The following NDUFAF6 variants were observed in gnomAD, a reference collection of about 807,000 sequenced individuals.
NDUFAF6 encodes the protein NADH:ubiquinone oxidoreductase complex assembly factor 6.
NDUFAF6 carries 45 observed loss-of-function variants against 40.8 expected under a neutral mutation model. The ratio of observed to expected loss-of-function variants is 1.10; its 90% confidence interval spans 0.87 to 1.42. NDUFAF6 has a LOEUF of 1.42. Ranked by LOEUF, NDUFAF6 falls within the 40% of genes most tolerant of loss-of-function variation. The pLI, the probability that NDUFAF6 is intolerant of heterozygous loss-of-function variation, is 0.00. For synonymous variants in NDUFAF6, 185 were observed against 155.9 expected (o/e 1.19, Z -1.39); for missense variants, 435 against 418.5 (o/e 1.04, Z -0.34).
At chr8:95,106,190 GC>G (rs1371680874), downstream of NDUFAF6, among the ~76,000 whole-genome samples, 1 of 151,796 alleles carries the variant, frequency 6.6e-6, no homozygotes, top group African/African-American at 2.4e-5. Flanking sequence ...CAGGAGAATG[GC>G]GTGAACATGG....
intron 1 of NDUFAF6, chr8:94,925,879 T>C (rs1045568856): frequency 1.7e-5 from 2 of 119,616 alleles, no homozygotes; most frequent in Non-Finnish European, 3.6e-5. Context: ...ATAAAATGTG[T>C]ATTAAATACA....
intron 1 of NDUFAF6, among the ~76,000 whole-genome samples, chr8:94,978,584 G>C (rs1296331701): frequency 6.6e-6 from 1 of 152,094 alleles, no homozygotes; most frequent in African/African-American, 2.4e-5. Flanking sequence ...GCTTGGAGGT[G>C]CACGCCTATA....
exon 2 of NDUFAF6, chr8:94,980,960 T>C (rs1169513774): frequency 4.4e-6 from 2 of 456,558 alleles, no homozygotes; most frequent in East Asian, 1.4e-4. Flanking sequence ...ACATTCCTCA[T>C]GGTTGGTTCA....
chr8:95,104,058 A>G (rs1809739284), downstream of NDUFAF6, among the ~76,000 whole-genome samples: 1 of 152,088 alleles, frequency 6.6e-6, no homozygotes, highest in African/African-American at 2.4e-5. Context: ...TTTTAATGTG[A>G]TAGAGACAAG....
chr8:95,100,800 G>T (rs1809625711), intron 1 of NDUFAF6, among the ~76,000 whole-genome samples: 1 of 152,146 alleles, frequency 6.6e-6, no homozygotes, highest in Non-Finnish European at 1.5e-5. Context: ...CACATACTCT[G>T]TAAAGTAGGT....
chr8:95,079,806 C>G (rs1044076743), downstream of NDUFAF6, among the ~76,000 whole-genome samples: 3 of 151,762 alleles, frequency 2.0e-5, no homozygotes, highest in African/African-American at 7.3e-5. Context: ...CCTCCGTCTC[C>G]CAGGCTCACT....
intron 1 of NDUFAF6, among the ~76,000 whole-genome samples, chr8:94,959,810 G>A (rs894483548): frequency 2.0e-5 from 3 of 152,186 alleles, no homozygotes; most frequent in Non-Finnish European, 2.9e-5. Context: ...AAAGTGCTGG[G>A]ATTATAGGCA....
In NDUFAF6 at chr8:94,941,634, A is replaced by C. The variant is rs564566115; in HGVS notation, c.-935-3849A>C. ...ACAATTCCTACAGCTGGCATGAAGA[A>C]ATTTACACTGTAGGAAACTGAGCTT... On this transcript the variant is annotated intron_variant, in intron 1 of 14. Coordinates refer to the NDUFAF6 transcript ENST00000396113. 5.3e-5 allele frequency among the ~76,000 whole-genome samples: 8 copies of C among 152,364 alleles called. No individual in the cohort carries two copies. The East Asian group carries it at 1.3e-3, about 26-fold the overall frequency.
rs1563825400 is a variant in NDUFAF6 at position 95,045,545 on chromosome 8, G to A, written c.478G>A (p.Glu160Lys). The A allele has an allele frequency of 2.5e-6, 4 of 1,610,384 alleles. No individual in the cohort carries two copies. The African/African-American group carries it at 5.3e-5, about 22-fold the overall frequency. ...TTTATTTGCATTTTATTTGATGTAG[G>A]AAAAAAATCTGGATGACAAAGCATA... is the stretch of plus-strand genomic sequence containing the variant. The part of the protein sequence containing the change: ...RWLMKIVDER[E>K]KNLDDKAYRN... The change falls in exon 5 of 9, where the codon GAA becomes AAA. Residue 160 changes from glutamate to lysine, a missense_variant and splice_region_variant. By Grantham distance (56) the Glu-to-Lys change is moderately conservative. Coordinates refer to ENST00000396124, the MANE Select transcript of NDUFAF6 (RefSeq NM_152416.4).
chr8:95,091,896 G>A (rs1809264013), intron 2 of NDUFAF6, among the ~76,000 whole-genome samples: 1 of 148,720 alleles, frequency 6.7e-6, no homozygotes, highest in Non-Finnish European at 1.5e-5. Flanking sequence ...CACCATGACT[G>A]CACCAGGACT....
intron 2 of NDUFAF6, among the ~76,000 whole-genome samples, chr8:95,032,599 A>G (rs1014123368): frequency 1.3e-5 from 2 of 152,220 alleles, no homozygotes; most frequent in Non-Finnish European, 2.9e-5. Context: ...CTTCTTTAGA[A>G]TGGAAAGAAT....
downstream of NDUFAF6, among the ~76,000 whole-genome samples, chr8:95,062,458 A>G (rs187968343): frequency 5.9e-5 from 9 of 152,342 alleles, no homozygotes; most frequent in Non-Finnish European, 1.3e-4. Flanking sequence ...TTGTTTTGCA[A>G]GAGTGGCATT....
At chr8:94,986,016 G>A (rs1411031278) in intron 2 of NDUFAF6, among the ~76,000 whole-genome samples, 2 of 151,922 alleles carry the variant, frequency 1.3e-5, no homozygotes, top group African/African-American at 4.8e-5. Flanking sequence ...TGGGACTACA[G>A]GCGTGTGCCA....
intron 2 of NDUFAF6, among the ~76,000 whole-genome samples, chr8:95,088,981 T>G (rs1160395640): frequency 6.6e-6 from 1 of 152,064 alleles, no homozygotes; most frequent in African/African-American, 2.4e-5. Context: ...AGGCTGGTCT[T>G]GAACTTCTGA....
At chr8:95,001,922 G>A (rs1826754091) in intron 2 of NDUFAF6, among the ~76,000 whole-genome samples, 1 of 152,210 alleles carries the variant, frequency 6.6e-6, no homozygotes, top group African/African-American at 2.4e-5. Context: ...AACATTGTAA[G>A]CTTCATGGAA....
intron 6 of NDUFAF6, among the ~76,000 whole-genome samples, chr8:95,047,762 G>A (rs1252789463): frequency 6.6e-6 from 1 of 151,900 alleles, no homozygotes. Context: ...GCTTGCCTCG[G>A]CCTCCCAAAG....
At chr8:94,964,774 A>G (rs1236773525) in intron 1 of NDUFAF6, among the ~76,000 whole-genome samples, 1 of 152,178 alleles carries the variant, frequency 6.6e-6, no homozygotes, top group East Asian at 1.9e-4. Flanking sequence ...ACTGAGCCCC[A>G]CTTCCAACAT....
At chr8:94,966,665 G>T (rs563721287) in intron 1 of NDUFAF6, among the ~76,000 whole-genome samples, 1 of 152,320 alleles carries the variant, frequency 6.6e-6, no homozygotes, top group African/African-American at 2.4e-5. Context: ...ACAGAGTTCA[G>T]CAGTGAGGCT....
intron 9 of NDUFAF6, chr8:95,068,404 G>A (rs942607675): frequency 4.0e-5 from 6 of 151,848 alleles, no homozygotes; most frequent in Non-Finnish European, 7.3e-5. Flanking sequence ...ATTTACTGCT[G>A]GTATGCTGAA....
Sources: allele counts gnomAD v4.1 joint callset (sites outside exome capture counted in the v4.1 genomes callset), GRCh38; gene constraint gnomAD v4.1.1; transcripts MANE v1.5; gene names NCBI Gene and HGNC (gene_info 2026-07-23, HGNC 2026-07-21).